The following SCP2 variants were observed in gnomAD, a reference collection of about 807,000 sequenced individuals.
The protein encoded by SCP2 is SCP-2/3-oxoacyl-CoA thiolase.
In SCP2, 48 loss-of-function variants were observed where a neutral mutation model predicts 71.4. That is an observed-to-expected ratio of 0.67 (90% confidence interval 0.53 to 0.86). The LOEUF is 0.86. Ranked by LOEUF, SCP2 falls within the 40% of genes least tolerant of loss-of-function variation. SCP2 has a pLI of 0.00. For synonymous variants in SCP2, 220 were observed against 218.1 expected, an observed-to-expected ratio of 1.01 and a Z score of -0.08; for missense variants, 560 against 655.6, an observed-to-expected ratio of 0.85 and a Z score of 1.59.
At chr1:53,007,252 G>A (rs12062839) in intron 11 of SCP2, among the ~76,000 whole-genome samples, 1 of 152,122 alleles carries the variant, frequency 6.6e-6, no homozygotes, top group Non-Finnish European at 1.5e-5. Context: ...TCCAGGACTT[G>A]AACTCAGCTC....
intron 13 of SCP2, among the ~76,000 whole-genome samples, chr1:53,037,089 A>G (rs745627777): frequency 6.6e-6 from 1 of 152,162 alleles, no homozygotes; most frequent in Non-Finnish European, 1.5e-5. Flanking sequence ...GTGAGGCAAG[A>G]TCATGCTACT....
intron 10 of SCP2, 35 bp from the exon 11 acceptor site, chr1:52,987,994 A>G (rs1338468490): frequency 1.9e-6 from 2 of 1,033,064 alleles, no homozygotes; most frequent in Admixed American, 1.7e-5. Flanking sequence ...TATTGTTACT[A>G]TTAATATTTG....
At chr1:52,996,928 C>T (rs1413146901) in intron 11 of SCP2, among the ~76,000 whole-genome samples, 2 of 152,130 alleles carry the variant, frequency 1.3e-5, no homozygotes, top group African/African-American at 4.8e-5. Context: ...CCCACTTACA[C>T]TTGGTTTTGT....
chr1:53,017,149 T>G (rs1232641304), intron 12 of SCP2, among the ~76,000 whole-genome samples: 1 of 152,236 alleles, frequency 6.6e-6, no homozygotes, highest in Non-Finnish European at 1.5e-5. Context: ...GTATTCTATA[T>G]TCTGTTAAAT....
rs1363436425 is a variant in SCP2 at position 53,015,030 on chromosome 1, C to T, written c.1222C>T (p.Pro408Ser). The change falls in exon 12 of 16, where the codon CCG becomes TCG. Residue 408 changes from proline to serine, a missense_variant. Transcript: ENST00000371514. ...VVVTLYKMGFPEAASSFRTHQ... is the reference protein window; with the variant it reads ...VVVTLYKMGFSEAASSFRTHQ... ...TGTAACACTCTACAAGATGGGTTTT[C>T]CGGAAGCCGCCAGGTGAGTGACATT... is the stretch of plus-strand genomic sequence containing the variant. 2 of 1,614,156 alleles carry T rather than the reference C, an allele frequency of 1.2e-6. No homozygotes were observed. The highest frequency in any genetic ancestry group is 4.5e-5 in the East Asian group (2 of 44,888).
At chr1:53,018,569 C>A (rs138176438) in intron 12 of SCP2, among the ~76,000 whole-genome samples, 2,847 of 151,884 alleles carry the variant, frequency 0.019, 99 homozygotes, top group African/African-American at 0.065. Context: ...TGGCGAAACC[C>A]CCTCTCTACT....
In SCP2 at chr1:52,979,541, A is replaced by G. The variant is rs115588800; in HGVS notation, c.826-855A>G. On this transcript the variant is annotated intron_variant, in intron 9 of 15. Transcript: ENST00000371514. ...TATTTTATTATTTGAGGAGAAAAAC[A>G]TGTTAAGAACATGGACTTTGGAAAA... 2.9e-3 allele frequency among the ~76,000 whole-genome samples: 438 copies of G among 152,276 alleles called. 4 individuals are homozygous for G. The highest frequency in any genetic ancestry group is 9.9e-3 in the African/African-American group (412 of 41,562).
chr1:53,004,633 G>T (rs1660510717), intron 11 of SCP2, among the ~76,000 whole-genome samples: 2 of 152,136 alleles, frequency 1.3e-5, no homozygotes, highest in Admixed American at 1.3e-4. Context: ...TACTTTGTAG[G>T]GTATACCCTC....
intron 11 of SCP2, among the ~76,000 whole-genome samples, chr1:52,992,460 A>C (rs556441395): frequency 1.3e-5 from 2 of 152,364 alleles, no homozygotes; most frequent in South Asian, 4.1e-4. Context: ...GAAGACAGAC[A>C]GAAATTATTC....
At chr1:53,022,798 C>T (rs1316144004) in intron 12 of SCP2, among the ~76,000 whole-genome samples, 1 of 152,142 alleles carries the variant, frequency 6.6e-6, no homozygotes, top group Non-Finnish European at 1.5e-5. Context: ...CTACTCTGTG[C>T]TCTCAGTCTT....
chr1:52,935,363 C>T (rs1653622090), intron 1 of SCP2, among the ~76,000 whole-genome samples: 1 of 151,938 alleles, frequency 6.6e-6, no homozygotes, highest in Non-Finnish European at 1.5e-5. Context: ...GGGTGGATCA[C>T]CTGAGGTCAG....
chr1:52,987,695 A>G (rs2150185972), intron 10 of SCP2, among the ~76,000 whole-genome samples: 1 of 152,320 alleles, frequency 6.6e-6, no homozygotes, highest in South Asian at 2.1e-4. Flanking sequence ...TGGCAAAATT[A>G]TGCATTTTTA....
chr1:53,030,947 A>G, intron 13 of SCP2, among the ~76,000 whole-genome samples: 1 of 150,458 alleles, frequency 6.6e-6, no homozygotes, highest in East Asian at 1.9e-4. Context: ...CCAACCTAGT[A>G]GGAAAAAATA....
intron 2 of SCP2, among the ~76,000 whole-genome samples, chr1:52,942,214 C>T (rs1463259941): frequency 6.6e-6 from 1 of 152,178 alleles, no homozygotes; most frequent in African/African-American, 2.4e-5. Context: ...AAGGGATAAT[C>T]ACATTCCAAA....
At chr1:52,988,563 A>G (rs1216398822) in intron 11 of SCP2, among the ~76,000 whole-genome samples, 1 of 152,148 alleles carries the variant, frequency 6.6e-6, no homozygotes, top group African/African-American at 2.4e-5. Context: ...TTTATCAGTC[A>G]ATCACTTTAA....
chr1:53,033,987 G>A (rs1307444191), intron 13 of SCP2, among the ~76,000 whole-genome samples: 4 of 152,112 alleles, frequency 2.6e-5, no homozygotes, highest in Admixed American at 2.6e-4. Context: ...AAGGAGGCCG[G>A]GCATGGTGGC....
chr1:52,954,331 AAACAAC>A (rs199683265), intron 4 of SCP2, among the ~76,000 whole-genome samples: 6 of 151,034 alleles, frequency 4.0e-5, no homozygotes, highest in African/African-American at 9.8e-5. Context: ...AAAAGCAAAC[AAACAAC>A]AACAACAACA....
chr1:52,938,932 CCT>C (rs1260101733), intron 1 of SCP2, among the ~76,000 whole-genome samples: 2 of 152,168 alleles, frequency 1.3e-5, no homozygotes, highest in African/African-American at 4.8e-5. Flanking sequence ...CCTTAAAAAT[CCT>C]CTGTGTTCCA....
intron 12 of SCP2, among the ~76,000 whole-genome samples, chr1:53,024,515 AT>A (rs1361142070): frequency 6.6e-6 from 1 of 152,048 alleles, no homozygotes; most frequent in Non-Finnish European, 1.5e-5. Flanking sequence ...TTTAAAAGTT[AT>A]AGGACTCTCA....
Sources: allele counts gnomAD v4.1 joint callset (sites outside exome capture counted in the v4.1 genomes callset), GRCh38; gene constraint gnomAD v4.1.1; transcripts MANE v1.5; gene names NCBI Gene and HGNC (gene_info 2026-07-23, HGNC 2026-07-21).